Variants in ADCY1 observed in about 807,000 individuals in gnomAD.
ADCY1 encodes the protein adenylate cyclase 1, also known as adenylate cyclase type 1.
In ADCY1, 28 loss-of-function variants were observed where a neutral mutation model predicts 105.4. The ratio of observed to expected loss-of-function variants is 0.27; its 90% CI spans 0.20 to 0.36. ADCY1 has a LOEUF of 0.36. Ranked by LOEUF, ADCY1 falls within the 10% of genes least tolerant of loss-of-function variation. The pLI, the probability that ADCY1 is intolerant of heterozygous loss-of-function variation, is 1.00. For synonymous variants in ADCY1, 655 were observed against 623.8 expected (o/e 1.05, Z -0.75); for missense variants, 977 against 1,434.2 (o/e 0.68, Z 5.15).
In ADCY1 at chr7:45,660,079, A is replaced by C; in HGVS notation, c.1345A>C (p.Asn449His). ...HITKTTLACL[N>H]GDYEVEPGYG... ...CACAAAGACGACCCTAGCGTGCTTG[A>C]ATGGGGACTACGAGGTAGAACCGGG... is the stretch of plus-strand genomic sequence containing the variant. The change falls in exon 7 of 20, where the codon AAT becomes CAT. Residue 449 changes from asparagine (N) to histidine (H), a missense_variant. Transcript: ENST00000297323. The C allele has an allele frequency of 6.2e-7, 1 of 1,614,216 alleles. No homozygotes were observed. The highest frequency in any genetic ancestry group is 2.2e-5 in the East Asian group (1 of 44,880).
At position 45,703,465 on chromosome 7, in the gene ADCY1, C is replaced by A; in HGVS notation, c.2544C>A (p.His848Gln). The change falls in exon 15 of 20, where the codon CAC becomes CAA. Residue 848 changes from histidine (H) to glutamine (Q), a missense_variant. By Grantham distance (24) the His-to-Gln change is conservative. This residue lies in a region of ADCY1 where 152 missense variants were observed against 293.7 expected (regional missense o/e 0.52). Transcript: ENST00000297323. The surrounding 1 kb of genome is among the most constrained non-coding windows in gnomAD (Gnocchi z 5.9). Reference protein sequence around the residue: ...FNLLPAHVAQHFLMSNPRNMD... With the variant: ...FNLLPAHVAQQFLMSNPRNMD... Reference sequence around the variant, plus strand: ...TCCTGCCGGCCCACGTCGCCCAGCACTTCCTCATGTCCAACCCTCGGAACA... The same window carrying A: ...TCCTGCCGGCCCACGTCGCCCAGCAATTCCTCATGTCCAACCCTCGGAACA... 6.2e-7 allele frequency: 1 copy of A among 1,614,160 alleles called. No homozygotes were observed.
intron 2 of ADCY1, among the ~76,000 whole-genome samples, chr7:45,597,981 CAG>C (rs1480849214): frequency 6.6e-6 from 1 of 152,174 alleles, no homozygotes; most frequent in Non-Finnish European, 1.5e-5. Context: ...AACAAAGAAA[CAG>C]AACAAAGGGT....
chr7:45,659,379 G>A (rs1795029064), intron 6 of ADCY1, among the ~76,000 whole-genome samples: 1 of 152,262 alleles, frequency 6.6e-6, no homozygotes, highest in African/African-American at 2.4e-5. Flanking sequence ...GTTTTGGAAG[G>A]TGGGGAGTTT....
intron 1 of ADCY1, among the ~76,000 whole-genome samples, chr7:45,577,160 C>A (rs991161680): frequency 2.0e-5 from 3 of 152,128 alleles, no homozygotes; most frequent in Non-Finnish European, 4.4e-5. Context: ...GCTGTGACTC[C>A]CTGGGCAATC....
At chr7:45,597,960 C>T (rs989692315) in intron 2 of ADCY1, among the ~76,000 whole-genome samples, 1 of 152,194 alleles carries the variant, frequency 6.6e-6, no homozygotes, top group African/African-American at 2.4e-5. Flanking sequence ...CCCCTCCTCT[C>T]AACACAGCAA....
At chr7:45,585,916 TG>T (rs1286681971) in intron 1 of ADCY1, among the ~76,000 whole-genome samples, 2 of 152,188 alleles carry the variant, frequency 1.3e-5, no homozygotes, top group African/African-American at 4.8e-5. Flanking sequence ...TCTGAGGTTC[TG>T]GTGTTACCCT....
Position 45,710,657 on chromosome 7 carries a change from G to A in ADCY1, c.3057+5G>A. ...GGGGTCCAGGGCAGAATCCAGGTCA[G>A]TTCACCAAGAAACCCCTAAGGCATG... On this transcript the variant is annotated splice_donor_5th_base_variant and intron_variant, in intron 19 of 19. Coordinates refer to ENST00000297323, the MANE Select transcript of ADCY1 (RefSeq NM_021116.4). This position sits in a 1 kb window ranked among gnomAD's most constrained non-coding sequence, Gnocchi z 4.7. The A allele has an allele frequency of 6.2e-7, 1 of 1,609,854 alleles. No homozygotes were observed. The highest frequency in any genetic ancestry group is 8.5e-7 in the Non-Finnish European group (1 of 1,178,464).
intron 2 of ADCY1, among the ~76,000 whole-genome samples, chr7:45,603,057 A>G (rs931603348): frequency 1.1e-4 from 17 of 152,226 alleles, no homozygotes; most frequent in Admixed American, 7.2e-4. Context: ...ATGGAATCAT[A>G]TAATAGGTGA....
intron 8 of ADCY1, among the ~76,000 whole-genome samples, chr7:45,673,739 T>G (rs965007337): frequency 6.6e-6 from 1 of 151,106 alleles, no homozygotes; most frequent in Non-Finnish European, 1.5e-5. Context: ...ATTTTCTCTA[T>G]TTTTTTTGTT....
At chr7:45,641,162 C>T (rs530067121) in intron 4 of ADCY1, among the ~76,000 whole-genome samples, 4 of 152,314 alleles carry the variant, frequency 2.6e-5, no homozygotes, top group African/African-American at 9.6e-5. Flanking sequence ...CATACTTCCT[C>T]AGCCCCTCCC....
Position 45,574,519 on chromosome 7 carries a change from G to A in ADCY1, c.-25G>A, listed in dbSNP as rs1792259332. Reference sequence around the variant, plus strand: ...CGGGCCGGCGAGGGGCGCGCCCGCGGCCGCGGCCGCTGCATGGCGCTGAGA... The same window carrying A: ...CGGGCCGGCGAGGGGCGCGCCCGCGACCGCGGCCGCTGCATGGCGCTGAGA... On this transcript the variant is annotated 5_prime_UTR_variant, in exon 1 of 20. Coordinates refer to ENST00000297323, the MANE Select transcript of ADCY1 (RefSeq NM_021116.4). This position sits in a 1 kb window ranked among gnomAD's most constrained non-coding sequence, Gnocchi z 7.0. The A allele has an allele frequency of 1.0e-6, 1 of 975,346 alleles. No individual in the cohort carries two copies. The highest frequency in any genetic ancestry group is 1.2e-6 in the Non-Finnish European group (1 of 825,430). 60.4% of individuals were successfully genotyped at this position (975,346 alleles called of 1,614,324 possible).
At chr7:45,663,160 C>T (rs975243845) in intron 8 of ADCY1, among the ~76,000 whole-genome samples, 5 of 152,208 alleles carry the variant, frequency 3.3e-5, no homozygotes, top group Non-Finnish European at 7.3e-5. Flanking sequence ...CCTCTGCAGG[C>T]GTCCAGGCCT....
chr7:45,597,764 T>C (rs1380180577), intron 2 of ADCY1, among the ~76,000 whole-genome samples: 1 of 152,174 alleles, frequency 6.6e-6, no homozygotes, highest in Non-Finnish European at 1.5e-5. Context: ...CCGTCCACCT[T>C]CTCAGGGCAG....
At chr7:45,704,969 C>T (rs1362515004) in intron 17 of ADCY1, among the ~76,000 whole-genome samples, 1 of 149,752 alleles carries the variant, frequency 6.7e-6, no homozygotes, top group African/African-American at 2.5e-5. Context: ...TTGCCCCTCT[C>T]TTCTCCTCCC....
rs542052341 is a variant in ADCY1, at chr7:45,600,087, G to T, written c.789+7179G>T. ...CAAGATATAGAGCCCAGGTGTGGCCGGGAGAGGAAAGGTCCCTGAGCCCAC... is the reference window on the plus strand; with the variant it reads ...CAAGATATAGAGCCCAGGTGTGGCCTGGAGAGGAAAGGTCCCTGAGCCCAC... On this transcript the variant is annotated intron_variant, in intron 2 of 19. Transcript: ENST00000297323. Among the ~76,000 whole-genome samples, 7 of 152,342 alleles carry T rather than the reference G, an allele frequency of 4.6e-5. No homozygotes were observed. The South Asian group carries it at 1.4e-3, about 32-fold the overall frequency.
In ADCY1 at chr7:45,646,466, TG is replaced by T. The variant is rs1182859517; in HGVS notation, c.1021-2203del. 5.9e-5 allele frequency among the ~76,000 whole-genome samples: 9 copies of T among 152,328 alleles called. No homozygotes were observed. In the East Asian group the frequency reaches 1.7e-3, roughly 29 times the overall value. On this transcript the variant is annotated intron_variant, in intron 4 of 19. Coordinates refer to ENST00000297323, the MANE Select transcript of ADCY1 (RefSeq NM_021116.4). ...CACGGTCCTTTCTGTGAGCACTGAC[TG>T]TGGTTCCAGGCCATGTCATTGCTGC...
At chr7:45,593,753 T>C (rs1428868030) in intron 2 of ADCY1, among the ~76,000 whole-genome samples, 3 of 152,240 alleles carry the variant, frequency 2.0e-5, no homozygotes, top group Admixed American at 6.5e-5. Flanking sequence ...ATATAAGGTA[T>C]TATACCAAAT....
In ADCY1 at chr7:45,610,503, G is replaced by A. The variant is rs1432173687; in HGVS notation, c.908+6G>A. 1.2e-6 allele frequency: 2 copies of A among 1,612,228 alleles called. No individual in the cohort carries two copies. The highest frequency in any genetic ancestry group is 1.7e-6 in the Non-Finnish European group (2 of 1,178,468). ...CAGAGGCACGACAATGTGAGGTAGG[G>A]CTGGTGCTGACCCGGCACAGCGGGG... On this transcript the variant is annotated splice_donor_region_variant and intron_variant, in intron 3 of 19. Coordinates refer to ENST00000297323, the MANE Select transcript of ADCY1 (RefSeq NM_021116.4).
rs1793932513 is a variant in ADCY1, at chr7:45,622,628, G to T, written c.909-4G>T. On this transcript the variant is annotated splice_region_variant and splice_polypyrimidine_tract_variant and intron_variant, in intron 3 of 19. Transcript: ENST00000297323. ...GGGCAGCCTGGCACCCCTTTCTCTT[G>T]CAGCATCCTGTTTGCTGACATCGTG... 1 of 1,612,480 alleles carries T rather than the reference G, an allele frequency of 6.2e-7. No homozygotes were observed. Among genetic ancestry groups the T allele is most frequent in the East Asian group, 2.2e-5 (1 of 44,780 alleles).
Sources: allele counts gnomAD v4.1 joint callset (sites outside exome capture counted in the v4.1 genomes callset), GRCh38; gene constraint gnomAD v4.1.1; regional missense constraint gnomAD v4.1.1; non-coding constraint Gnocchi (gnomAD v3.1); transcripts MANE v1.5; gene names NCBI Gene and HGNC (gene_info 2026-07-23, HGNC 2026-07-21).